The following RPS6KC1 variants were observed in gnomAD, a reference collection of about 807,000 sequenced individuals.
RPS6KC1 encodes inactive ribosomal protein S6 kinase delta-1.
RPS6KC1 carries 54 observed loss-of-function variants against 103.8 expected under a neutral mutation model. The ratio of observed to expected loss-of-function variants is 0.52; its 90% CI spans 0.42 to 0.65. The LOEUF is 0.65. RPS6KC1 is among the 30% of genes least tolerant of loss of function. The pLI is 0.00. For missense variants in RPS6KC1, 1,151 were observed against 1,253.8 expected, an observed-to-expected ratio of 0.92 and a Z score of 1.24; for synonymous variants, 439 against 438.7, an observed-to-expected ratio of 1.00 and a Z score of -0.01.
chr1:213,357,948 G>T, the RPS6KC1 span, among the ~76,000 whole-genome samples: 5 of 152,178 alleles, frequency 3.3e-5, no homozygotes, highest in South Asian at 1.0e-3. Flanking sequence ...CTTGATTTGC[G>T]TATGTTGAAC....
intron 6 of RPS6KC1, among the ~76,000 whole-genome samples, chr1:213,130,348 T>C (rs1211338451): frequency 6.6e-6 from 1 of 152,202 alleles, no homozygotes; most frequent in East Asian, 1.9e-4. Context: ...AATTCTCATT[T>C]AATTAATGGA....
chr1:213,353,951 G>A, the RPS6KC1 span, among the ~76,000 whole-genome samples: 1 of 152,214 alleles, frequency 6.6e-6, no homozygotes, highest in Non-Finnish European at 1.5e-5. Context: ...CCATCTCAGA[G>A]GATCCTTTGT....
the RPS6KC1 span, among the ~76,000 whole-genome samples, chr1:213,698,035 A>G: frequency 6.6e-6 from 1 of 152,100 alleles, no homozygotes; most frequent in Non-Finnish European, 1.5e-5. Context: ...TTTGCATTCT[A>G]GTTTTTCATT....
chr1:213,406,110 G>A, the RPS6KC1 span, among the ~76,000 whole-genome samples: 1 of 152,184 alleles, frequency 6.6e-6, no homozygotes. Context: ...CGCAGATGGA[G>A]GGGCCAGTGA....
At chr1:213,428,231 C>T in the RPS6KC1 span, among the ~76,000 whole-genome samples, 1 of 152,190 alleles carries the variant, frequency 6.6e-6, no homozygotes, top group Non-Finnish European at 1.5e-5. Flanking sequence ...GCTGCCTGGA[C>T]ACGCTCTCAT....
intron 2 of RPS6KC1, among the ~76,000 whole-genome samples, chr1:213,075,427 G>A (rs965106529): frequency 6.6e-6 from 1 of 152,048 alleles, no homozygotes; most frequent in South Asian, 2.1e-4. Context: ...ATCTCACTGC[G>A]TATGCTGAGA....
At chr1:213,500,297 A>G in the RPS6KC1 span, among the ~76,000 whole-genome samples, 2 of 152,316 alleles carry the variant, frequency 1.3e-5, no homozygotes, top group East Asian at 3.9e-4. Context: ...GATCACCAAT[A>G]TCACCATCTT....
At chr1:213,181,214 G>A (rs1371104352) in intron 8 of RPS6KC1, among the ~76,000 whole-genome samples, 2 of 152,112 alleles carry the variant, frequency 1.3e-5, no homozygotes, top group African/African-American at 4.8e-5. Context: ...ATGTGTGTAT[G>A]GTATTCACAA....
chr1:213,256,674 T>C (rs1478494108), intron 12 of RPS6KC1, among the ~76,000 whole-genome samples: 1 of 152,210 alleles, frequency 6.6e-6, no homozygotes, highest in African/African-American at 2.4e-5. Context: ...CTGCTGTCTG[T>C]GTTGCCTCCC....
chr1:213,813,110 G>A, the RPS6KC1 span, among the ~76,000 whole-genome samples: 4 of 151,974 alleles, frequency 2.6e-5, no homozygotes, highest in African/African-American at 7.2e-5. Flanking sequence ...AATTAGCTGG[G>A]TGTGGTGGCA....
the RPS6KC1 span, among the ~76,000 whole-genome samples, chr1:213,476,544 G>A: frequency 6.6e-6 from 1 of 152,168 alleles, no homozygotes; most frequent in East Asian, 1.9e-4. Flanking sequence ...TCAGGTTTAT[G>A]GGGAGGGTGA....
chr1:213,815,238 G>T, the RPS6KC1 span, among the ~76,000 whole-genome samples: 11 of 152,106 alleles, frequency 7.2e-5, no homozygotes, highest in Non-Finnish European at 1.5e-5. Flanking sequence ...GCTTCCTGAG[G>T]CCTTCCCAGC....
the RPS6KC1 span, among the ~76,000 whole-genome samples, chr1:213,340,204 CTG>C: frequency 6.6e-6 from 1 of 152,156 alleles, no homozygotes; most frequent in Non-Finnish European, 1.5e-5. Flanking sequence ...TTCATGAGCC[CTG>C]TGATGCTGGG....
At chr1:213,324,873 G>A in the RPS6KC1 span, among the ~76,000 whole-genome samples, 1 of 151,970 alleles carries the variant, frequency 6.6e-6, no homozygotes, top group African/African-American at 2.4e-5. Context: ...CTCAGGTTCA[G>A]AGGACATGTG....
At chr1:213,573,009 A>C in the RPS6KC1 span, among the ~76,000 whole-genome samples, 1 of 152,086 alleles carries the variant, frequency 6.6e-6, no homozygotes, top group Non-Finnish European at 1.5e-5. Context: ...AGGAAAAACA[A>C]TGTGATTTGG....
At chr1:213,105,823 T>C (rs953378594) in intron 4 of RPS6KC1, among the ~76,000 whole-genome samples, 1 of 152,244 alleles carries the variant, frequency 6.6e-6, no homozygotes, top group Non-Finnish European at 1.5e-5. Flanking sequence ...AATAATTGTT[T>C]CTATGTGTCA....
intron 3 of RPS6KC1, among the ~76,000 whole-genome samples, chr1:213,088,909 G>T (rs561277515): frequency 2.0e-5 from 3 of 152,070 alleles, no homozygotes; most frequent in Non-Finnish European, 2.9e-5. Context: ...TACATTTCAC[G>T]CCTACTTGAG....
At chr1:213,167,269 A>G (rs947809027) in intron 6 of RPS6KC1, among the ~76,000 whole-genome samples, 1 of 152,174 alleles carries the variant, frequency 6.6e-6, no homozygotes, top group Non-Finnish European at 1.5e-5. Context: ...GAAGAAAGGG[A>G]CATTTCCCAG....
chr1:213,604,439 A>C, the RPS6KC1 span, among the ~76,000 whole-genome samples: 39 of 152,180 alleles, frequency 2.6e-4, no homozygotes, highest in African/African-American at 8.9e-4. Flanking sequence ...TTATCAATAA[A>C]CTGCACCCTC....
Sources: allele counts gnomAD v4.1 joint callset (sites outside exome capture counted in the v4.1 genomes callset), GRCh38; gene constraint gnomAD v4.1.1; transcripts MANE v1.5; gene names NCBI Gene and HGNC (gene_info 2026-07-23, HGNC 2026-07-21).